ERBB4: variants seen among roughly 807,000 people sequenced by gnomAD.
ERBB4 encodes erb-b2 receptor tyrosine kinase 4, also known as receptor tyrosine-protein kinase erbB-4.
Under a neutral mutation model 158.0 loss-of-function variants are expected in ERBB4, and 42 were observed. The ratio of observed to expected loss-of-function variants is 0.27; its 90% CI spans 0.21 to 0.34. The LOEUF (loss-of-function observed/expected upper bound fraction) is 0.34, where lower values mean the gene tolerates loss of function less well. Among genes scored for constraint, ERBB4 ranks in the 10% least tolerant of loss-of-function variants. The probability of loss-of-function intolerance (pLI) is 1.00; values close to 1 mark genes in which losing one functional copy is unlikely to be tolerated. For synonymous variants in ERBB4, 583 were observed against 558.7 expected (o/e 1.04, Z -0.61); for missense variants, 1,333 against 1,624.1 (o/e 0.82, Z 3.08).
chr2:211,591,068 C>T lies in ERBB4; in HGVS notation c.2301+28109G>A, dbSNP rs6746418. On this transcript the variant is annotated intron_variant, in intron 19 of 27. Transcript: ENST00000342788. Reference sequence around the variant, plus strand: ...GGGGTCTGTTATCACATTGTTAGCACCAAAATGCTAAAACTGTGAAATATT... The same window carrying T: ...GGGGTCTGTTATCACATTGTTAGCATCAAAATGCTAAAACTGTGAAATATT... 5.3e-3 allele frequency among the ~76,000 whole-genome samples: 805 copies of T among 152,282 alleles called. 9 individuals are homozygous for T. Among genetic ancestry groups the T allele is most frequent in the African/African-American group, 0.017 (712 of 41,566 alleles).
At chr2:212,391,678 A>C (rs1369745568) in intron 1 of ERBB4, among the ~76,000 whole-genome samples, 1 of 128,094 alleles carries the variant, frequency 7.8e-6, no homozygotes, top group African/African-American at 3.0e-5. Context: ...TATTTTATAT[A>C]TATTATATAT....
intron 3 of ERBB4, among the ~76,000 whole-genome samples, chr2:211,894,793 A>G (rs559032978): frequency 6.6e-6 from 1 of 152,288 alleles, no homozygotes; most frequent in African/African-American, 2.4e-5. Flanking sequence ...TTAATTTTCA[A>G]AAAGGAAGGG....
At chr2:211,815,746 T>C (rs956309954) in intron 3 of ERBB4, among the ~76,000 whole-genome samples, 1 of 152,182 alleles carries the variant, frequency 6.6e-6, no homozygotes, top group Admixed American at 6.5e-5. Context: ...GTTGAGTCAG[T>C]GGACTGAGAG....
At chr2:211,576,687 A>G (rs1018589625) in intron 19 of ERBB4, among the ~76,000 whole-genome samples, 1 of 152,146 alleles carries the variant, frequency 6.6e-6, no homozygotes, top group African/African-American at 2.4e-5. Flanking sequence ...AATAGCCAAT[A>G]TCCTAGGATA....
intron 3 of ERBB4, among the ~76,000 whole-genome samples, chr2:211,807,226 G>A (rs2076639566): frequency 6.6e-6 from 1 of 151,990 alleles, no homozygotes; most frequent in Non-Finnish European, 1.5e-5. Context: ...CATGTACCAT[G>A]TTGGTTTGCT....
At chr2:211,698,444 C>T (rs2073107244) in intron 12 of ERBB4, among the ~76,000 whole-genome samples, 1 of 151,408 alleles carries the variant, frequency 6.6e-6, no homozygotes, top group Non-Finnish European at 1.5e-5. Context: ...TGGTATGATC[C>T]TATTCATATA....
At chr2:212,034,548 C>T (rs1177444380) in intron 2 of ERBB4, among the ~76,000 whole-genome samples, 2 of 151,952 alleles carry the variant, frequency 1.3e-5, no homozygotes, top group African/African-American at 4.8e-5. Context: ...TTGACTACTT[C>T]AGAAAGCTCC....
chr2:212,401,823 C>T (rs1003301460), intron 1 of ERBB4, among the ~76,000 whole-genome samples: 1 of 151,916 alleles, frequency 6.6e-6, no homozygotes, highest in South Asian at 2.1e-4. Context: ...ATTGAAAACT[C>T]GGGATGCCAT....
chr2:212,203,463 T>A (rs182814873), intron 1 of ERBB4, among the ~76,000 whole-genome samples: 1 of 152,302 alleles, frequency 6.6e-6, no homozygotes, highest in Admixed American at 6.5e-5. Flanking sequence ...CCAGGTCACG[T>A]AGAAACTTTC....
intron 3 of ERBB4, among the ~76,000 whole-genome samples, chr2:211,857,774 C>T (rs190794399): frequency 2.0e-5 from 3 of 152,268 alleles, no homozygotes; most frequent in African/African-American, 7.2e-5. Flanking sequence ...TAATGTTTTA[C>T]ACATTACGAC....
intron 5 of ERBB4, among the ~76,000 whole-genome samples, chr2:211,729,317 C>T (rs1487546400): frequency 2.0e-5 from 3 of 151,546 alleles, no homozygotes; most frequent in Non-Finnish European, 4.4e-5. Flanking sequence ...CAAAATCAGT[C>T]TATAATTGAT....
intron 20 of ERBB4, among the ~76,000 whole-genome samples, chr2:211,493,192 C>T (rs1361850699): frequency 6.6e-6 from 1 of 152,096 alleles, no homozygotes; most frequent in Non-Finnish European, 1.5e-5. Flanking sequence ...ACAGTTACAG[C>T]ATTTGAAACT....
intron 1 of ERBB4, among the ~76,000 whole-genome samples, chr2:212,310,658 C>T (rs1311635119): frequency 7.0e-6 from 1 of 143,448 alleles, no homozygotes; most frequent in Non-Finnish European, 1.5e-5. Context: ...TATATATATT[C>T]CAGAAGTTTA....
chr2:211,479,358 A>G (rs991429204), intron 20 of ERBB4, among the ~76,000 whole-genome samples: 1 of 152,114 alleles, frequency 6.6e-6, no homozygotes, highest in Admixed American at 6.6e-5. Flanking sequence ...AAAACCATCA[A>G]GACATTTTTT....
rs115275952 is a variant in ERBB4, at chr2:212,073,931, C to T, written c.234+50821G>A. Among the ~76,000 whole-genome samples, 825 of 152,078 alleles carry T rather than the reference C, an allele frequency of 5.4e-3. 8 individuals carry two copies. Among genetic ancestry groups the T allele is most frequent in the Non-Finnish European group, 7.6e-3 (514 of 67,950 alleles). ...GTTATAGTCTAGGGCAGCAGAAAAA[C>T]ATGCAACTGAAATGATGCCCTGGAC... On this transcript the variant is annotated intron_variant, in intron 2 of 27. Coordinates refer to ENST00000342788, the MANE Select transcript of ERBB4 (RefSeq NM_005235.3).
At chr2:212,266,105 C>T (rs1046903332) in intron 1 of ERBB4, among the ~76,000 whole-genome samples, 19 of 151,642 alleles carry the variant, frequency 1.3e-4, no homozygotes, top group African/African-American at 4.4e-4. Context: ...CAATTGCATG[C>T]CCCCCTCTCC....
At chr2:212,015,243 G>T (rs1448960154) in intron 2 of ERBB4, among the ~76,000 whole-genome samples, 1 of 149,796 alleles carries the variant, frequency 6.7e-6, no homozygotes, top group Non-Finnish European at 1.5e-5. Context: ...TCCAGCCTGG[G>T]CAACAGAGCG....
intron 19 of ERBB4, among the ~76,000 whole-genome samples, chr2:211,609,817 C>G (rs2069124746): frequency 6.6e-6 from 1 of 152,210 alleles, no homozygotes; most frequent in South Asian, 2.1e-4. Context: ...TGACAAAGTT[C>G]CTGTCCATGA....
rs569493905 is a variant in ERBB4 at position 212,227,370 on chromosome 2, A to G, written c.83-102467T>C. Among the ~76,000 whole-genome samples the G allele has an allele frequency of 5.8e-4, 88 of 152,266 alleles. 1 individual carries two copies. Among genetic ancestry groups the G allele is most frequent in the Admixed American group, 5.8e-3 (88 of 15,286 alleles). ...TGGAAAGCAGACTCAAAACCTGAGA[A>G]AGTCATGATTCCCACATCCCCTTTT... On this transcript the variant is annotated intron_variant, in intron 1 of 27. Transcript: ENST00000342788.
Sources: allele counts gnomAD v4.1 joint callset (sites outside exome capture counted in the v4.1 genomes callset), GRCh38; gene constraint gnomAD v4.1.1; transcripts MANE v1.5; gene names NCBI Gene and HGNC (gene_info 2026-07-23, HGNC 2026-07-21).